MALRD1: variants seen among roughly 807,000 people sequenced by gnomAD.
MALRD1 encodes the protein MAM and LDL receptor class A domain containing 1.
A neutral mutation model predicts 242.1 loss-of-function variants in MALRD1; 247 were observed. The observed-to-expected ratio is 1.02, with a 90% confidence interval of 0.92 to 1.13. The LOEUF (loss-of-function observed/expected upper bound fraction) is 1.13, where lower values mean the gene tolerates loss of function less well. Ranked by LOEUF, MALRD1 falls within the 50% of genes most tolerant of loss-of-function variation. MALRD1 has a pLI of 0.00. For missense variants in MALRD1, 2,989 were observed against 2,533.1 expected, an observed-to-expected ratio of 1.18 and a Z score of -3.86; for synonymous variants, 995 against 866.6, an observed-to-expected ratio of 1.15 and a Z score of -2.60.
intron 28 of MALRD1, among the ~76,000 whole-genome samples, chr10:19,397,713 G>C (rs576756654): frequency 5.3e-5 from 8 of 151,534 alleles, no homozygotes; most frequent in Non-Finnish European, 1.2e-4. Context: ...CAGTCTGCAA[G>C]GGGACAGTGT....
At chr10:19,704,753 T>C (rs1833786082) in intron 38 of MALRD1, among the ~76,000 whole-genome samples, 1 of 152,214 alleles carries the variant, frequency 6.6e-6, no homozygotes, top group Non-Finnish European at 1.5e-5. Context: ...TATGTTTGAC[T>C]CTGATGAATG....
At chr10:19,327,395 A>G (rs1281607012) in intron 22 of MALRD1, among the ~76,000 whole-genome samples, 168 bp from the exon 23 acceptor site, 2 of 152,064 alleles carry the variant, frequency 1.3e-5, no homozygotes, top group African/African-American at 4.8e-5. Context: ...TAGGGGCACA[A>G]TGCTGTAGAA....
chr10:19,683,240 A>G lies in MALRD1; in HGVS notation c.6138-9042A>G, dbSNP rs1452257332. On this transcript the variant is annotated intron_variant, in intron 36 of 39. Transcript: ENST00000454679. ...CTTTCTAAGTCTTAACCAAATGCTC[A>G]CAATGGGATCGGAGCCTGCCTTTGT... Among the ~76,000 whole-genome samples the G allele has an allele frequency of 3.9e-5, 6 of 152,328 alleles. No individual in the cohort carries two copies. In the East Asian group the frequency reaches 1.2e-3, roughly 29 times the overall value.
chr10:19,205,364 C>T (rs1349259482), intron 17 of MALRD1, 99 bp downstream of exon 17: 6 of 1,351,542 alleles, frequency 4.4e-6, no homozygotes, highest in Non-Finnish European at 5.8e-6. Flanking sequence ...TAACAGTAAG[C>T]ATAGCTCCAA....
chr10:19,078,152 T>C (rs1835375141), intron 2 of MALRD1, among the ~76,000 whole-genome samples: 1 of 151,856 alleles, frequency 6.6e-6, no homozygotes, highest in South Asian at 2.1e-4. Flanking sequence ...TTTATTTATT[T>C]ATTCATTTTT....
intron 29 of MALRD1, among the ~76,000 whole-genome samples, chr10:19,489,903 A>G (rs552579391): frequency 3.7e-4 from 57 of 152,170 alleles, no homozygotes; most frequent in Non-Finnish European, 6.6e-4. Flanking sequence ...TGATAGTCCT[A>G]TTTTCCTAAT....
chr10:19,211,667 C>A (rs1357854641), intron 18 of MALRD1, among the ~76,000 whole-genome samples: 1 of 112,570 alleles, frequency 8.9e-6, no homozygotes, highest in Admixed American at 1.1e-4. Context: ...GCCTGGGCAA[C>A]AAAGCATGAC....
chr10:19,701,711 C>G (rs112369082), intron 38 of MALRD1, among the ~76,000 whole-genome samples: 7,928 of 123,864 alleles, frequency 0.064, 996 homozygotes, highest in African/African-American at 0.24. Context: ...TTCCCCTCCC[C>G]TACCCTCCCC....
At chr10:19,134,144 A>T (rs969685893) in intron 9 of MALRD1, among the ~76,000 whole-genome samples, 196 bp downstream of exon 9, 1 of 152,078 alleles carries the variant, frequency 6.6e-6, no homozygotes, top group Non-Finnish European at 1.5e-5. Context: ...TGGCGGGGGA[A>T]ATTGAGTGTC....
At chr10:19,056,846 T>G (rs1834684285) in intron 1 of MALRD1, among the ~76,000 whole-genome samples, 1 of 152,176 alleles carries the variant, frequency 6.6e-6, no homozygotes, top group Admixed American at 6.5e-5. Flanking sequence ...TACCGTATTC[T>G]GTCTATAAGT....
In MALRD1 at chr10:19,441,320, G is replaced by A. The variant is rs556653520; in HGVS notation, c.4846-8987G>A. On this transcript the variant is annotated intron_variant, in intron 28 of 39. Transcript: ENST00000454679. ...GTTCACTCTGATGGTAGTTTCTTTT[G>A]CTGTGCAGAAGCTCTTTCATTTAAT... Among the ~76,000 whole-genome samples, 18 of 152,222 alleles carry A rather than the reference G, an allele frequency of 1.2e-4. No individual in the cohort carries two copies. The South Asian group carries it at 3.7e-3, about 32-fold the overall frequency.
intron 18 of MALRD1, among the ~76,000 whole-genome samples, chr10:19,254,804 G>T (rs55800605): frequency 0.087 from 13,177 of 151,640 alleles, 649 homozygotes; most frequent in Middle Eastern, 0.12. Context: ...ATTAAAAACT[G>T]ATATGTTATA....
intron 20 of MALRD1, among the ~76,000 whole-genome samples, chr10:19,281,870 A>C (rs1335834374): frequency 6.7e-6 from 1 of 148,432 alleles, no homozygotes; most frequent in Non-Finnish European, 1.5e-5. Context: ...GCTACTTAGG[A>C]GGCTGAAGCA....
In MALRD1 at chr10:19,615,860, G is replaced by T; in HGVS notation, c.6074G>T (p.Cys2025Phe). ...FQLDESSCSE[C>F]PLNYCRNGGT... ...TCTTTGTGATGCTTCTTTTTAGAAT[G>T]TCCATTAAATTACTGCAGAAATGGT... The change falls in exon 36 of 40, where the codon TGT becomes TTT. Residue 2025 changes from cysteine (C) to phenylalanine (F), a missense_variant. Physicochemically the swap from Cys to Phe is radical, Grantham distance 205 (BLOSUM62 -2). Transcript: ENST00000454679. 6.5e-7 allele frequency: 1 copy of T among 1,527,492 alleles called. No individual in the cohort carries two copies. The highest frequency in any genetic ancestry group is 8.8e-7 in the Non-Finnish European group (1 of 1,141,702). The allele number at this position is 1,527,492 out of a possible 1,614,324, so 94.6% of individuals were successfully genotyped here.
chr10:19,205,243 T>C lies in MALRD1; in HGVS notation c.2556T>C (p.Asp852=), dbSNP rs1410798905. The C allele has an allele frequency of 1.3e-6, 2 of 1,550,424 alleles. No homozygotes were observed. The highest frequency in any genetic ancestry group is 4.9e-5 in the East Asian group (2 of 40,918). The change falls in exon 17 of 40, where the codon GAT becomes GAC. Residue 852 remains aspartate, a synonymous_variant. Coordinates refer to ENST00000454679, the MANE Select transcript of MALRD1 (RefSeq NM_001142308.3). ...GTGATCTGGTGGATGACTGTGGTGA[T>C]CGTACTGATGAAGTCAACTGTGGTA... ...RLCDLVDDCG[D]RTDEVNCAPE...
At chr10:19,473,798 C>A (rs898707180) in intron 29 of MALRD1, among the ~76,000 whole-genome samples, 6 of 152,108 alleles carry the variant, frequency 3.9e-5, no homozygotes, top group Non-Finnish European at 7.4e-5. Context: ...GCACAAATAC[C>A]TGCTCAAGTC....
intron 26 of MALRD1, among the ~76,000 whole-genome samples, chr10:19,370,568 A>ATATTGTTTTG (rs1478140100): frequency 6.6e-6 from 1 of 151,972 alleles, no homozygotes; most frequent in African/African-American, 2.4e-5. Context: ...CTAAATTCAC[A>ATATTGTTTTG]TATTGTTTTG....
intron 26 of MALRD1, among the ~76,000 whole-genome samples, chr10:19,362,016 AT>A (rs1360379591): frequency 1.3e-5 from 2 of 152,020 alleles, no homozygotes; most frequent in African/African-American, 4.8e-5. Context: ...CTTTATTCTA[AT>A]TCTGCAATCT....
At chr10:19,238,567 T>C (rs1286237302) in intron 18 of MALRD1, among the ~76,000 whole-genome samples, 1 of 81,420 alleles carries the variant, frequency 1.2e-5, no homozygotes, top group African/African-American at 4.3e-5. Context: ...TTATATATAA[T>C]ATACATAATG....
Sources: allele counts gnomAD v4.1 joint callset (sites outside exome capture counted in the v4.1 genomes callset), GRCh38; gene constraint gnomAD v4.1.1; transcripts MANE v1.5; gene names NCBI Gene and HGNC (gene_info 2026-07-23, HGNC 2026-07-21).